Variants in XIRP2 observed in about 807,000 individuals in gnomAD.
The protein encoded by XIRP2 is xin actin-binding repeat-containing protein 2.
Under a neutral mutation model 277.0 loss-of-function variants are expected in XIRP2, and 236 were observed. The ratio of observed to expected loss-of-function variants is 0.85; its 90% CI spans 0.77 to 0.95. XIRP2 has a LOEUF of 0.95. Ranked by LOEUF, XIRP2 falls within the 40% of genes least tolerant of loss-of-function variation. The probability of loss-of-function intolerance (pLI) is 0.00; values close to 1 mark genes in which losing one functional copy is unlikely to be tolerated. For missense variants in XIRP2, 4,640 were observed against 4,157.5 expected (o/e 1.12, Z -3.19); for synonymous variants, 1,490 against 1,416.5 (o/e 1.05, Z -1.17).
chr2:167,085,351 C>T (rs907327184), intron 2 of XIRP2, among the ~76,000 whole-genome samples: 3 of 151,244 alleles, frequency 2.0e-5, no homozygotes, highest in South Asian at 2.1e-4. Flanking sequence ...CTGAGGAGAG[C>T]TTTACTTCCA....
intron 3 of XIRP2, among the ~76,000 whole-genome samples, chr2:167,146,039 T>C (rs1016453978): frequency 7.2e-5 from 11 of 151,834 alleles, no homozygotes; most frequent in African/African-American, 2.4e-4. Context: ...AAATAAAAGA[T>C]TGAAGCAACA....
intron 2 of XIRP2, among the ~76,000 whole-genome samples, chr2:166,925,152 C>T (rs1021562419): frequency 1.3e-5 from 2 of 152,048 alleles, no homozygotes; most frequent in Non-Finnish European, 2.9e-5. Context: ...TGCAGTTAGA[C>T]AGCTGTCAAC....
intron 2 of XIRP2, among the ~76,000 whole-genome samples, chr2:167,133,270 T>A (rs1177639347): frequency 6.6e-6 from 1 of 152,192 alleles, no homozygotes; most frequent in African/African-American, 2.4e-5. Context: ...TTAAAGCAGA[T>A]CACTGCTTTG....
At chr2:167,028,144 T>G (rs1267573394) in intron 2 of XIRP2, among the ~76,000 whole-genome samples, 1 of 152,082 alleles carries the variant, frequency 6.6e-6, no homozygotes, top group East Asian at 1.9e-4. Flanking sequence ...CTTTCAAACT[T>G]ACAAATATCT....
At chr2:167,091,305 A>C (rs1198463922) in intron 2 of XIRP2, among the ~76,000 whole-genome samples, 1 of 152,026 alleles carries the variant, frequency 6.6e-6, no homozygotes, top group Non-Finnish European at 1.5e-5. Flanking sequence ...CTCCCCTGCC[A>C]CTTCTGAGAC....
intron 5 of XIRP2, among the ~76,000 whole-genome samples, chr2:167,219,807 C>A (rs746109094): frequency 6.6e-6 from 1 of 152,164 alleles, no homozygotes; most frequent in African/African-American, 2.4e-5. Flanking sequence ...GAGTGATTTG[C>A]CTATCTCATT....
intron 2 of XIRP2, among the ~76,000 whole-genome samples, chr2:167,095,718 G>A (rs566436895): frequency 6.6e-6 from 1 of 152,068 alleles, no homozygotes; most frequent in Non-Finnish European, 1.5e-5. Context: ...CGGTTTGCCA[G>A]TATCTTATTG....
intron 3 of XIRP2, among the ~76,000 whole-genome samples, chr2:167,157,865 C>A (rs539682653): frequency 5.3e-5 from 8 of 151,920 alleles, no homozygotes; most frequent in Non-Finnish European, 1.0e-4. Context: ...GCCAGAGCAA[C>A]ACATTTTAGC....
chr2:167,199,489 C>T (rs887588535), intron 3 of XIRP2, among the ~76,000 whole-genome samples: 1 of 152,108 alleles, frequency 6.6e-6, no homozygotes, highest in Non-Finnish European at 1.5e-5. Context: ...TTTACAAAGC[C>T]TATGAAAGAA....
Position 167,248,897 on chromosome 2 carries a change from A to G in XIRP2, c.7505A>G (p.His2502Arg), listed in dbSNP as rs1695375673. 6 of 1,613,814 alleles carry G rather than the reference A, an allele frequency of 3.7e-6. No individual in the cohort carries two copies. Among genetic ancestry groups the G allele is most frequent in the Non-Finnish European group, 5.1e-6 (6 of 1,179,842 alleles). Reference sequence around the variant, plus strand: ...ATTGACTCTGCAAACTGTCTCTCACACACAGTTCCAGGAACTTCAGCACCC... The same window carrying G: ...ATTGACTCTGCAAACTGTCTCTCACGCACAGTTCCAGGAACTTCAGCACCC... ...LSIDSANCLS[H>R]TVPGTSAPRK... Residue 2502 changes from histidine to arginine, a missense_variant, in exon 9 of 11, where the codon CAC becomes CGC. His to Arg is a conservative substitution (Grantham distance 29). Coordinates refer to ENST00000409195, the MANE Select transcript of XIRP2 (RefSeq NM_152381.6).
chr2:166,943,800 A>G (rs143657079), intron 2 of XIRP2, among the ~76,000 whole-genome samples: 204 of 152,324 alleles, frequency 1.3e-3, no homozygotes, highest in African/African-American at 4.6e-3. Flanking sequence ...TGTTCCCCCA[A>G]GAGAAGGGCT....
intron 5 of XIRP2, among the ~76,000 whole-genome samples, chr2:167,232,458 T>C (rs1261364936): frequency 2.0e-5 from 3 of 151,798 alleles, no homozygotes; most frequent in African/African-American, 7.3e-5. Flanking sequence ...AAAATGTACA[T>C]ATTGGGAGAT....
chr2:166,987,010 T>C (rs1288807321), intron 2 of XIRP2, among the ~76,000 whole-genome samples: 1 of 152,198 alleles, frequency 6.6e-6, no homozygotes, highest in Admixed American at 6.5e-5. Context: ...ATAGTCTGTC[T>C]CATTTAGACA....
chr2:167,132,540 A>T (rs1691411395), intron 2 of XIRP2, among the ~76,000 whole-genome samples: 1 of 151,894 alleles, frequency 6.6e-6, no homozygotes, highest in Admixed American at 6.6e-5. Context: ...ACACACACAC[A>T]CACACACACT....
chr2:166,960,770 G>A (rs1315718082), intron 2 of XIRP2, among the ~76,000 whole-genome samples: 2 of 151,830 alleles, frequency 1.3e-5, no homozygotes, highest in East Asian at 3.9e-4. Flanking sequence ...GATAATGAAA[G>A]TCAGCTCAGG....
intron 2 of XIRP2, among the ~76,000 whole-genome samples, chr2:166,962,533 G>A (rs1686325109): frequency 6.6e-6 from 1 of 151,636 alleles, no homozygotes; most frequent in Non-Finnish European, 1.5e-5. Flanking sequence ...GCAATTTATT[G>A]CAAGCATATA....
intron 2 of XIRP2, among the ~76,000 whole-genome samples, chr2:167,111,635 T>G (rs1337849167): frequency 7.0e-6 from 1 of 143,600 alleles, no homozygotes; most frequent in Non-Finnish European, 1.5e-5. Context: ...ACGTTTTCTT[T>G]TTTTCTTATT....
chr2:167,002,986 G>A (rs572976116), intron 2 of XIRP2, among the ~76,000 whole-genome samples: 4 of 151,862 alleles, frequency 2.6e-5, no homozygotes, highest in South Asian at 2.1e-4. Flanking sequence ...TAGCATATTT[G>A]CATATTACTC....
chr2:166,920,717 G>A (rs1173702695), intron 2 of XIRP2, among the ~76,000 whole-genome samples: 1 of 152,098 alleles, frequency 6.6e-6, no homozygotes, highest in East Asian at 1.9e-4. Context: ...TGTGTTCCAG[G>A]AATGTACTAA....
Sources: allele counts gnomAD v4.1 joint callset (sites outside exome capture counted in the v4.1 genomes callset), GRCh38; gene constraint gnomAD v4.1.1; transcripts MANE v1.5; gene names NCBI Gene and HGNC (gene_info 2026-07-23, HGNC 2026-07-21).